Variants in ERICH1 observed in about 807,000 individuals in gnomAD.
ERICH1 encodes the protein glutamate rich 1, also known as glutamate-rich protein 1.
A neutral mutation model predicts 39.6 loss-of-function variants in ERICH1; 56 were observed. The ratio of observed to expected loss-of-function variants is 1.41; its 90% CI spans 1.14 to 1.77. The LOEUF (loss-of-function observed/expected upper bound fraction) is 1.77. ERICH1 is among the 40% of genes most tolerant of loss of function. The pLI is 0.00. For synonymous variants in ERICH1, 313 were observed against 223.6 expected, an observed-to-expected ratio of 1.40 and a Z score of -3.57; for missense variants, 826 against 575.4, an observed-to-expected ratio of 1.44 and a Z score of -4.45.
chr8:713,095 A>G (rs1272805463), intron 2 of ERICH1, among the ~76,000 whole-genome samples: 1 of 152,248 alleles, frequency 6.6e-6, no homozygotes, highest in Non-Finnish European at 1.5e-5. Flanking sequence ...CAGTTGTCAC[A>G]GGGTCAAGCC....
At chr8:729,209 G>T (rs543369851) in intron 1 of ERICH1, among the ~76,000 whole-genome samples, 2 of 152,164 alleles carry the variant, frequency 1.3e-5, no homozygotes, top group East Asian at 3.9e-4. Context: ...AATAAACGAC[G>T]CCAAGTCAGT....
At chr8:621,421 A>T (rs969785250) in intron 3 of ERICH1, among the ~76,000 whole-genome samples, 1 of 152,122 alleles carries the variant, frequency 6.6e-6, no homozygotes, top group Admixed American at 6.5e-5. Context: ...GCTTGATATA[A>T]CCATTTAACA....
chr8:687,718 C>A (rs1807781568), intron 3 of ERICH1, among the ~76,000 whole-genome samples: 1 of 152,174 alleles, frequency 6.6e-6, no homozygotes, highest in Non-Finnish European at 1.5e-5. Flanking sequence ...GGCAGAACTG[C>A]GGCCAGTGCC....
At chr8:616,930 C>G (rs200584211) in intron 3 of ERICH1, among the ~76,000 whole-genome samples, 5,602 of 21,498 alleles carry the variant, frequency 0.26, 1,442 homozygotes, top group East Asian at 0.75. Context: ...CAGAAAGAGA[C>G]AGAGAGAGAG....
At chr8:625,489 G>C (rs1797553917) in intron 3 of ERICH1, among the ~76,000 whole-genome samples, 1 of 152,130 alleles carries the variant, frequency 6.6e-6, no homozygotes, top group Non-Finnish European at 1.5e-5. Flanking sequence ...CTGGGTGCAT[G>C]GTGAGGTCTA....
At chr8:692,998 TG>T (rs1477229332) in intron 2 of ERICH1, among the ~76,000 whole-genome samples, 1 of 152,194 alleles carries the variant, frequency 6.6e-6, no homozygotes, top group Non-Finnish European at 1.5e-5. Context: ...GGGATTTCAC[TG>T]CACAGACTTC....
At chr8:642,942 C>CT (rs1279001438) in intron 3 of ERICH1, among the ~76,000 whole-genome samples, 2 of 152,192 alleles carry the variant, frequency 1.3e-5, no homozygotes, top group Non-Finnish European at 2.9e-5. Flanking sequence ...AGCCTCCTGA[C>CT]TGAGTGTGCA....
At chr8:620,287 G>A (rs541447794) in intron 3 of ERICH1, among the ~76,000 whole-genome samples, 2 of 152,212 alleles carry the variant, frequency 1.3e-5, no homozygotes, top group East Asian at 3.9e-4. Context: ...ACTCCAGCCT[G>A]GGCAACAGAG....
chr8:686,845 T>A (rs1807519382), intron 3 of ERICH1: 1 of 152,278 alleles, frequency 6.6e-6, no homozygotes, highest in African/African-American at 2.4e-5. Context: ...CAGCTGAATG[T>A]GTGAACTCTC....
chr8:656,380 G>A (rs1284990741), intron 3 of ERICH1, among the ~76,000 whole-genome samples: 3 of 152,154 alleles, frequency 2.0e-5, no homozygotes, highest in Non-Finnish European at 2.9e-5. Context: ...TTAACATCCG[G>A]ATCGTCCTTG....
chr8:672,446 T>C (rs1277112504), intron 4 of ERICH1, among the ~76,000 whole-genome samples: 3 of 152,234 alleles, frequency 2.0e-5, no homozygotes, highest in Non-Finnish European at 4.4e-5. Flanking sequence ...ACTTCCCAAA[T>C]TATTACATAG....
chr8:724,091 T>A (rs1218145889), intron 1 of ERICH1, among the ~76,000 whole-genome samples: 2 of 152,098 alleles, frequency 1.3e-5, no homozygotes, highest in African/African-American at 4.8e-5. Flanking sequence ...AAACCAGAAA[T>A]AATCCTCAAA....
intron 3 of ERICH1, among the ~76,000 whole-genome samples, chr8:621,690 T>A (rs184965018): frequency 6.5e-4 from 98 of 151,726 alleles, no homozygotes; most frequent in Non-Finnish European, 1.3e-3. Flanking sequence ...AAAACGACAA[T>A]CCTTTAGAAA....
chr8:622,143 T>C (rs577053094), intron 3 of ERICH1, among the ~76,000 whole-genome samples: 2 of 152,246 alleles, frequency 1.3e-5, no homozygotes, highest in East Asian at 3.9e-4. Flanking sequence ...GACTATTTGA[T>C]CCCAGGAGTT....
At chr8:716,336 G>C (rs541239853) in intron 1 of ERICH1, among the ~76,000 whole-genome samples, 2 of 152,250 alleles carry the variant, frequency 1.3e-5, no homozygotes, top group Admixed American at 6.5e-5. Context: ...TCCCTGTGAG[G>C]TTCAGGCACA....
intron 3 of ERICH1, among the ~76,000 whole-genome samples, chr8:617,874 T>G (rs1181295073): frequency 6.7e-6 from 1 of 148,812 alleles, no homozygotes; most frequent in Non-Finnish European, 1.5e-5. Flanking sequence ...GCTCCATCTG[T>G]TCTCACTGCC....
At chr8:715,347 T>G (rs1361548829) in intron 2 of ERICH1, among the ~76,000 whole-genome samples, 1 of 152,234 alleles carries the variant, frequency 6.6e-6, no homozygotes, top group Non-Finnish European at 1.5e-5. Flanking sequence ...TGAGCGGAGT[T>G]GCACTGCAGG....
At chr8:729,182 G>C (rs1016701655) in intron 1 of ERICH1, among the ~76,000 whole-genome samples, 1 of 152,186 alleles carries the variant, frequency 6.6e-6, no homozygotes, top group South Asian at 2.1e-4. Context: ...CAGATGCTCC[G>C]CCAACATCCG....
Position 705,359 on chromosome 8 carries a change from GT to G in ERICH1, c.169+10501del, listed in dbSNP as rs1488052694. On this transcript the variant is annotated intron_variant, in intron 2 of 5. Coordinates refer to ENST00000262109, the MANE Select transcript of ERICH1 (RefSeq NM_207332.3). Reference sequence around the variant, plus strand: ...TGCAGAAGTGACCCACGGTTCTTACGTTTTTTATTGTGATTTCATCATTTTA... The same window carrying G: ...TGCAGAAGTGACCCACGGTTCTTACGTTTTTATTGTGATTTCATCATTTTA... Among the ~76,000 whole-genome samples the G allele has an allele frequency of 2.6e-5, 4 of 152,154 alleles. No homozygotes were observed. In the South Asian group the frequency reaches 8.3e-4, roughly 31 times the overall value.
Sources: allele counts gnomAD v4.1 joint callset (sites outside exome capture counted in the v4.1 genomes callset), GRCh38; gene constraint gnomAD v4.1.1; transcripts MANE v1.5; gene names NCBI Gene and HGNC (gene_info 2026-07-23, HGNC 2026-07-21).